The following TPH2 variants were observed in gnomAD, a reference collection of about 807,000 sequenced individuals.
TPH2 encodes the protein tryptophan hydroxylase 2.
Under a neutral mutation model 59.1 loss-of-function variants are expected in TPH2, and 27 were observed. The ratio of observed to expected loss-of-function variants is 0.46; its 90% confidence interval spans 0.34 to 0.63. The LOEUF (loss-of-function observed/expected upper bound fraction) is 0.63. Ranked by LOEUF, TPH2 falls within the 30% of genes least tolerant of loss-of-function variation. The pLI, the probability that TPH2 is intolerant of heterozygous loss-of-function variation, is 0.01. For missense variants in TPH2, 523 were observed against 588.3 expected, an observed-to-expected ratio of 0.89 and a Z score of 1.15; for synonymous variants, 220 against 210.5, an observed-to-expected ratio of 1.05 and a Z score of -0.39.
chr12:71,945,492 T>C (rs2139180032), intron 4 of TPH2, among the ~76,000 whole-genome samples: 1 of 152,152 alleles, frequency 6.6e-6, no homozygotes, highest in Admixed American at 6.6e-5. Flanking sequence ...CCCAAGCAGA[T>C]CACTAACGCT....
chr12:72,021,395 GTA>G lies in TPH2; in HGVS notation c.1069-1002_1069-1001del, dbSNP rs1219463424. Among the ~76,000 whole-genome samples the G allele has an allele frequency of 2.3e-3, 274 of 120,426 alleles. 1 individual carries two copies. Among genetic ancestry groups the G allele is most frequent in the African/African-American group, 8.4e-3 (267 of 31,970 alleles). 79.0% of individuals were successfully genotyped at this position (120,426 alleles called of 152,430 possible). ...TGTGTGTGTGTGTGTGTGTGTGTGTGTATGTGTGTATAACATCCGCCCCACTG... is the reference window on the plus strand; with the variant it reads ...TGTGTGTGTGTGTGTGTGTGTGTGTGTGTGTGTATAACATCCGCCCCACTG... On this transcript the variant is annotated intron_variant, in intron 8 of 10. Transcript: ENST00000333850.
chr12:71,946,746 A>T (rs892669379), intron 4 of TPH2, among the ~76,000 whole-genome samples: 1 of 152,138 alleles, frequency 6.6e-6, no homozygotes, highest in Non-Finnish European at 1.5e-5. Context: ...TTGTGATAGG[A>T]TACTTCAGAA....
chr12:71,986,677 C>T (rs2046583), intron 7 of TPH2, among the ~76,000 whole-genome samples: 1 of 137,278 alleles, frequency 7.3e-6, no homozygotes, highest in Admixed American at 7.9e-5. Flanking sequence ...TTCCTTATGT[C>T]ACTCTCCCCT....
At chr12:71,965,663 C>T (rs1276597584) in intron 5 of TPH2, among the ~76,000 whole-genome samples, 1 of 152,118 alleles carries the variant, frequency 6.6e-6, no homozygotes, top group Non-Finnish European at 1.5e-5. Context: ...ATTACTTTTG[C>T]ACCAATTTAA....
intron 7 of TPH2, among the ~76,000 whole-genome samples, chr12:71,988,143 A>G (rs774928823): frequency 1.1e-4 from 17 of 152,128 alleles, no homozygotes; most frequent in Non-Finnish European, 2.5e-4. Context: ...TTGCCTACAC[A>G]AGAATATGAG....
chr12:72,021,452 GT>G (rs35958105), intron 8 of TPH2, among the ~76,000 whole-genome samples: 3,417 of 147,528 alleles, frequency 0.023, 160 homozygotes, highest in African/African-American at 0.08. Flanking sequence ...TCAACTTACA[GT>G]TTTTTTTTTT....
intron 7 of TPH2, among the ~76,000 whole-genome samples, chr12:71,988,536 C>T (rs11179031): frequency 6.6e-6 from 1 of 152,200 alleles, no homozygotes; most frequent in East Asian, 1.9e-4. Flanking sequence ...CACTTTTAAA[C>T]GACCAGATCT....
chr12:71,990,926 C>A (rs935561371), intron 7 of TPH2, among the ~76,000 whole-genome samples: 2 of 152,226 alleles, frequency 1.3e-5, no homozygotes, highest in African/African-American at 4.8e-5. Context: ...TTCTGCTAGA[C>A]AACTCGCTTC....
At chr12:71,994,193 G>T (rs780577153) in intron 7 of TPH2, among the ~76,000 whole-genome samples, 1 of 152,334 alleles carries the variant, frequency 6.6e-6, no homozygotes, top group East Asian at 1.9e-4. Flanking sequence ...TATAGTAAGA[G>T]CTTGAAAATA....
chr12:71,973,009 G>A (rs1003326620), intron 6 of TPH2, among the ~76,000 whole-genome samples: 6 of 152,176 alleles, frequency 3.9e-5, no homozygotes, highest in African/African-American at 1.4e-4. Flanking sequence ...AGGAGCTGCT[G>A]TGCTGGGCTA....
chr12:72,020,540 G>A (rs370955444), intron 8 of TPH2, among the ~76,000 whole-genome samples: 1 of 152,246 alleles, frequency 6.6e-6, no homozygotes, highest in East Asian at 1.9e-4. Context: ...CCAGGCTGGA[G>A]TGTAATGGCA....
chr12:71,961,706 T>C lies in TPH2; in HGVS notation c.609-10813T>C, dbSNP rs1349893810. On this transcript the variant is annotated intron_variant, in intron 5 of 10. Transcript: ENST00000333850. ...TTGCTGTTGATATTTAATTTCATGA[T>C]AGTTTTTGCAGATGAAAATCACTTC... The C allele has an allele frequency of 3.0e-6, 4 of 1,348,982 alleles. No homozygotes were observed. The South Asian group carries it at 3.4e-5, about 12-fold the overall frequency. 83.6% of individuals were successfully genotyped at this position (1,348,982 alleles called of 1,614,324 possible).
chr12:71,966,029 A>G (rs973918710), intron 5 of TPH2, among the ~76,000 whole-genome samples: 1 of 152,216 alleles, frequency 6.6e-6, no homozygotes, highest in Admixed American at 6.5e-5. Flanking sequence ...TTATTCTTAT[A>G]ATAATGTTAG....
intron 6 of TPH2, among the ~76,000 whole-genome samples, chr12:71,975,651 T>G (rs895888050): frequency 6.6e-6 from 1 of 152,212 alleles, no homozygotes; most frequent in Non-Finnish European, 1.5e-5. Context: ...TCTTCAGGAC[T>G]CAGAGCAAGT....
At chr12:71,995,356 A>G (rs1325567646) in intron 8 of TPH2, among the ~76,000 whole-genome samples, 2 of 152,194 alleles carry the variant, frequency 1.3e-5, no homozygotes, top group Non-Finnish European at 2.9e-5. Context: ...ACCTACAGGG[A>G]CCAGTCAGTT....
chr12:71,986,346 T>C (rs1872433881), intron 7 of TPH2, among the ~76,000 whole-genome samples: 1 of 152,208 alleles, frequency 6.6e-6, no homozygotes, highest in South Asian at 2.1e-4. Flanking sequence ...CAAGGCCACG[T>C]TCCTAGACCT....
intron 4 of TPH2, among the ~76,000 whole-genome samples, chr12:71,948,151 CTATT>C (rs747500021): frequency 1.3e-5 from 2 of 151,674 alleles, no homozygotes; most frequent in Non-Finnish European, 1.5e-5. Context: ...AATGTGGTAA[CTATT>C]TATTTTATTT....
intron 4 of TPH2, among the ~76,000 whole-genome samples, chr12:71,946,709 C>T (rs1321088074): frequency 6.6e-6 from 1 of 151,834 alleles, no homozygotes; most frequent in Non-Finnish European, 1.5e-5. Context: ...GGGAATAATC[C>T]CAGTCCTGAG....
intron 7 of TPH2, among the ~76,000 whole-genome samples, chr12:71,985,337 G>T (rs749068891): frequency 1.3e-5 from 2 of 152,022 alleles, no homozygotes; most frequent in Admixed American, 6.6e-5. Context: ...TAGCATTTTT[G>T]TTGTTGTTGT....
Sources: gnomAD v4.1 joint callset for allele counts (sites outside exome capture counted in the v4.1 genomes callset) on GRCh38, gnomAD v4.1.1 for gene constraint, MANE v1.5 for transcripts, NCBI Gene and HGNC (gene_info 2026-07-23, HGNC 2026-07-21) for gene names.